YES1: variants seen among roughly 807,000 people sequenced by gnomAD.
YES1 encodes the protein YES proto-oncogene 1, Src family tyrosine kinase.
Under a neutral mutation model 70.4 loss-of-function variants are expected in YES1, and 39 were observed. The observed-to-expected ratio is 0.55, with a 90% confidence interval of 0.43 to 0.72. The LOEUF (loss-of-function observed/expected upper bound fraction) is 0.72, where lower values mean the gene tolerates loss of function less well. Ranked by LOEUF, YES1 falls within the 30% of genes least tolerant of loss-of-function variation. The pLI is 0.00. For synonymous variants in YES1, 198 were observed against 218.6 expected, an observed-to-expected ratio of 0.91 and a Z score of 0.83; for missense variants, 495 against 644.8, an observed-to-expected ratio of 0.77 and a Z score of 2.52.
rs374146935 is a variant in YES1, at chr18:782,193, G to A, written c.-8-25358C>T. Among the ~76,000 whole-genome samples, 11 of 152,220 alleles carry A rather than the reference G, an allele frequency of 7.2e-5. No homozygotes were observed. In the East Asian group the frequency reaches 1.4e-3, roughly 19 times the overall value. On this transcript the variant is annotated intron_variant, in intron 1 of 11. Coordinates refer to ENST00000314574, the MANE Select transcript of YES1 (RefSeq NM_005433.4). ...CTTTCATCTTTGCTACTATGCTCAT[G>A]TGCTTCATTCTTCTCTCCTGTGGCA...
intron 11 of YES1, among the ~76,000 whole-genome samples, chr18:725,885 C>T (rs1260449447): frequency 6.6e-6 from 1 of 151,238 alleles, no homozygotes; most frequent in Non-Finnish European, 1.5e-5. Flanking sequence ...CTCCATCTCG[C>T]GGGGTGGGGA....
intron 3 of YES1, among the ~76,000 whole-genome samples, chr18:750,937 T>C (rs6506511): frequency 0.6 from 91,559 of 152,040 alleles, 28,595 homozygotes; most frequent in African/African-American, 0.78. Context: ...GTCTGGGTAT[T>C]AGAGTTAGAA....
In YES1 at chr18:728,086, G is replaced by A. The variant is rs142752645; in HGVS notation, c.1424-3454C>T. Among the ~76,000 whole-genome samples, 190 of 152,034 alleles carry A rather than the reference G, an allele frequency of 1.2e-3. 2 individuals are homozygous for A. The highest frequency in any genetic ancestry group is 4.3e-3 in the Admixed American group (65 of 15,256). The stretch of plus-strand genomic sequence containing the variant: ...CACGGTGGCTCGCACCTGTAATCCC[G>A]GCACTTTGGGAGGACAGGGCAGGCA... On this transcript the variant is annotated intron_variant, in intron 11 of 11. Coordinates refer to ENST00000314574, the MANE Select transcript of YES1 (RefSeq NM_005433.4).
intron 1 of YES1, among the ~76,000 whole-genome samples, chr18:789,226 A>G (rs1024289495): frequency 6.6e-6 from 1 of 152,196 alleles, no homozygotes; most frequent in Non-Finnish European, 1.5e-5. Flanking sequence ...TGAGATGACT[A>G]TATTAAAATA....
chr18:748,155 T>C (rs768108098), intron 3 of YES1, 137 bp from the exon 4 acceptor site: 1 of 664,574 alleles, frequency 1.5e-6, no homozygotes, highest in Non-Finnish European at 2.6e-6. Context: ...GGATGAAGAA[T>C]TAAACTCAAA....
chr18:766,066 G>C (rs1904894561), intron 1 of YES1, among the ~76,000 whole-genome samples: 2 of 152,176 alleles, frequency 1.3e-5, no homozygotes, highest in African/African-American at 4.8e-5. Context: ...GTTGCCACTT[G>C]GTTAGTCAAC....
chr18:805,987 G>C (rs1485642725), intron 1 of YES1, among the ~76,000 whole-genome samples: 2 of 152,094 alleles, frequency 1.3e-5, no homozygotes. Flanking sequence ...GAAGTTTCAG[G>C]GGTCAGTACT....
chr18:777,519 A>C lies in YES1; in HGVS notation c.-8-20684T>G, dbSNP rs538705910. Reference sequence around the variant, plus strand: ...AGGTGGTCATCTATCAGAATTACTTATATCAGGCCGGGTGCATTGGCTCAC... The same window carrying C: ...AGGTGGTCATCTATCAGAATTACTTCTATCAGGCCGGGTGCATTGGCTCAC... On this transcript the variant is annotated intron_variant, in intron 1 of 11. Coordinates refer to ENST00000314574, the MANE Select transcript of YES1 (RefSeq NM_005433.4). Among the ~76,000 whole-genome samples the C allele has an allele frequency of 5.7e-4, 87 of 152,180 alleles. 2 individuals carry two copies. Among genetic ancestry groups the C allele is most frequent in the Non-Finnish European group, 8.1e-4 (55 of 68,024 alleles).
intron 11 of YES1, 72 bp from the exon 12 acceptor site, chr18:724,704 A>AG (rs1444289055): frequency 6.0e-5 from 71 of 1,183,160 alleles, no homozygotes; most frequent in Non-Finnish European, 8.0e-5. Flanking sequence ...CAAACCCCCT[A>AG]GCCACTAACT....
At chr18:801,964 C>A (rs1433667730) in intron 1 of YES1, among the ~76,000 whole-genome samples, 1 of 152,102 alleles carries the variant, frequency 6.6e-6, no homozygotes, top group African/African-American at 2.4e-5. Context: ...CAAACCCCAA[C>A]TTACAAAAAG....
At chr18:730,863 T>C (rs932114053) in intron 11 of YES1, among the ~76,000 whole-genome samples, 2 of 152,232 alleles carry the variant, frequency 1.3e-5, no homozygotes, top group Admixed American at 6.5e-5. Flanking sequence ...GTGGTTTTTT[T>C]CTAGCCCTGT....
At chr18:803,014 G>A (rs1906904681) in intron 1 of YES1, among the ~76,000 whole-genome samples, 1 of 152,106 alleles carries the variant, frequency 6.6e-6, no homozygotes, top group African/African-American at 2.4e-5. Flanking sequence ...GATCCCTTGA[G>A]CCTAGGGGGT....
chr18:793,081 C>T (rs1906355283), intron 1 of YES1, among the ~76,000 whole-genome samples: 1 of 149,428 alleles, frequency 6.7e-6, no homozygotes, highest in Non-Finnish European at 1.5e-5. Context: ...CACTGTGTCA[C>T]CAGGCTGGAG....
chr18:805,002 G>A (rs1405277112), intron 1 of YES1, among the ~76,000 whole-genome samples: 2 of 151,538 alleles, frequency 1.3e-5, no homozygotes, highest in Non-Finnish European at 2.9e-5. Flanking sequence ...AGAAAGTTCC[G>A]TGTCAAGTCC....
intron 1 of YES1, among the ~76,000 whole-genome samples, chr18:790,685 C>T (rs1314571707): frequency 6.6e-6 from 1 of 152,070 alleles, no homozygotes; most frequent in Non-Finnish European, 1.5e-5. Context: ...GATAAAATGG[C>T]TAACTAGGCA....
At chr18:748,192 G>T (rs2145720406) in intron 3 of YES1, among the ~76,000 whole-genome samples, 174 bp from the exon 4 acceptor site, 1 of 152,244 alleles carries the variant, frequency 6.6e-6, no homozygotes, top group Non-Finnish European at 1.5e-5. Context: ...TAGGTTACAT[G>T]AATTAAAGGA....
intron 1 of YES1, among the ~76,000 whole-genome samples, chr18:764,327 A>G (rs1904759385): frequency 6.6e-6 from 1 of 152,056 alleles, no homozygotes; most frequent in Non-Finnish European, 1.5e-5. Context: ...GATTCAAGTG[A>G]TTCTCCTGAC....
intron 1 of YES1, among the ~76,000 whole-genome samples, chr18:808,800 C>T (rs1907226881): frequency 6.6e-6 from 1 of 152,216 alleles, no homozygotes; most frequent in Admixed American, 6.5e-5. Context: ...CCCAATGATT[C>T]TCTGCATTTC....
intron 1 of YES1, among the ~76,000 whole-genome samples, chr18:799,390 C>G (rs1013832907): frequency 2.6e-5 from 4 of 152,146 alleles, no homozygotes; most frequent in African/African-American, 9.7e-5. Context: ...ATAAGAGGAA[C>G]TAATGTGTGC....
Sources: allele counts gnomAD v4.1 joint callset (sites outside exome capture counted in the v4.1 genomes callset), GRCh38; gene constraint gnomAD v4.1.1; transcripts MANE v1.5; gene names NCBI Gene and HGNC (gene_info 2026-07-23, HGNC 2026-07-21).